LSS: variants seen among roughly 807,000 people sequenced by gnomAD.
LSS encodes the protein 2,3-epoxysqualene-lanosterol cyclase.
A neutral mutation model predicts 110.3 loss-of-function variants in LSS; 90 were observed. The ratio of observed to expected loss-of-function variants is 0.82; its 90% CI spans 0.69 to 0.97. LSS has a LOEUF of 0.97. Ranked by LOEUF, LSS falls within the 50% of genes least tolerant of loss-of-function variation. The pLI is 0.00. For synonymous variants in LSS, 433 were observed against 400.0 expected (o/e 1.08, Z -0.98); for missense variants, 927 against 990.0 (o/e 0.94, Z 0.85).
In LSS at chr21:46,191,033, C is replaced by T. The variant is rs1175997280; in HGVS notation, c.*71G>A. On this transcript the variant is annotated 3_prime_UTR_variant, in exon 22 of 22. Coordinates refer to ENST00000397728, the MANE Select transcript of LSS (RefSeq NM_002340.6). ...AGCCCAAGACAGGGTTATGGGAGGG[C>T]TCCCCAACCCGGCCAGGACCCCTTG... is the stretch of plus-strand genomic sequence containing the variant. 3.8e-6 allele frequency: 6 copies of T among 1,583,414 alleles called. No homozygotes were observed. The Admixed American group carries it at 1.0e-4, about 27-fold the overall frequency.
rs754209177 is a variant in LSS, at chr21:46,213,803, C to A, written c.1044G>T (p.Trp348Cys). Residue 348 changes from tryptophan (W) to cysteine (C), a missense_variant, in exon 10 of 22, where the codon TGG becomes TGT. Physicochemically the swap from Trp to Cys is radical, Grantham distance 215. Transcript: ENST00000397728. ...ISKTINMLVR[W>C]YVDGPASTAF... ...CAGTGGAGGCGGGCCCGTCCACATA[C>A]CAGCGCACAAGCATGTTGATGGTTT... The A allele has an allele frequency of 1.3e-5, 21 of 1,613,930 alleles. No individual in the cohort carries two copies. In the East Asian group the frequency reaches 1.6e-4, roughly 12 times the overall value.
intron 20 of LSS, among the ~76,000 whole-genome samples, chr21:46,194,281 G>A (rs2079874893): frequency 6.6e-6 from 1 of 152,204 alleles, no homozygotes; most frequent in Non-Finnish European, 1.5e-5. Flanking sequence ...GAGCCTCTCT[G>A]CAGGGCCCCA....
Position 46,210,737 on chromosome 21 carries a change from TTGG to T in LSS, c.1142_1144del (p.Thr381del). 6.2e-7 allele frequency: 1 copy of T among 1,614,000 alleles called. No homozygotes were observed. Among genetic ancestry groups the T allele is most frequent in the Non-Finnish European group, 8.5e-7 (1 of 1,179,984 alleles). ...TGCGGTGTCCCAGATCTGTGAGCCGTTGGTGCCCTACACACAAAGGATGGTGTT... is the reference window on the plus strand; with the variant it reads ...TGCGGTGTCCCAGATCTGTGAGCCGTTGCCCTACACACAAAGGATGGTGTT... On this transcript the variant is annotated inframe_deletion, in exon 12 of 22. Coordinates refer to ENST00000397728, the MANE Select transcript of LSS (RefSeq NM_002340.6).
intron 17 of LSS, among the ~76,000 whole-genome samples, chr21:46,198,161 G>A (rs918070529): frequency 1.3e-5 from 2 of 151,924 alleles, no homozygotes; most frequent in Non-Finnish European, 1.5e-5. Context: ...TAGCTGCTCA[G>A]GAGGCTGAGA....
intron 11 of LSS, among the ~76,000 whole-genome samples, chr21:46,211,282 A>G (rs2080128927): frequency 6.6e-6 from 1 of 152,150 alleles, no homozygotes; most frequent in East Asian, 1.9e-4. Flanking sequence ...TCCTGCCAGC[A>G]CACCCAGCTA....
chr21:46,222,169 C>G, intron 4 of LSS, 194 bp from the exon 5 acceptor site: 1 of 607,974 alleles, frequency 1.6e-6, no homozygotes. Context: ...GACAACTGAG[C>G]CCCCCACTCC....
chr21:46,217,973 C>A (rs1221317314), intron 6 of LSS, among the ~76,000 whole-genome samples: 1 of 152,208 alleles, frequency 6.6e-6, no homozygotes, highest in Admixed American at 6.5e-5. Context: ...ATCTCACCAT[C>A]CCTGTGCCTC....
At chr21:46,207,204 G>A (rs1601427520) in intron 15 of LSS, among the ~76,000 whole-genome samples, 1 of 152,236 alleles carries the variant, frequency 6.6e-6, no homozygotes, top group East Asian at 1.9e-4. Context: ...TGGCTGGGCT[G>A]GACACCAGCT....
intron 11 of LSS, 99 bp from the exon 12 acceptor site, chr21:46,210,843 G>A: frequency 8.8e-7 from 1 of 1,139,646 alleles, no homozygotes; most frequent in Non-Finnish European, 1.3e-6. Flanking sequence ...CAGGTGTGGG[G>A]GCTCCCACCC....
At chr21:46,193,609 G>T (rs7280781) in intron 20 of LSS, 1 of 415,564 alleles carries the variant, frequency 2.4e-6, no homozygotes, top group Admixed American at 2.7e-5. Flanking sequence ...CTGTGCATGC[G>T]TATGTGTGTG....
At chr21:46,217,329 G>A (rs1415117863) in intron 6 of LSS, among the ~76,000 whole-genome samples, 1 of 151,708 alleles carries the variant, frequency 6.6e-6, no homozygotes, top group East Asian at 1.9e-4. Context: ...TTTGATCACT[G>A]GTCTGCTGAC....
In LSS at chr21:46,209,078, A is replaced by G. The variant is rs1041415649; in HGVS notation, c.1266+476T>C. 1.3e-5 allele frequency among the ~76,000 whole-genome samples: 2 copies of G among 152,140 alleles called. No individual in the cohort carries two copies. The highest frequency in any genetic ancestry group is 2.9e-5 in the Non-Finnish European group (2 of 68,010). On this transcript the variant is annotated intron_variant, in intron 13 of 21. Transcript: ENST00000397728. This position sits in a 1 kb window ranked among gnomAD's most constrained non-coding sequence, Gnocchi z 4.4. The stretch of plus-strand genomic sequence containing the variant: ...TGGGGTGCAGGCACGTGTGAGAGAC[A>G]CTGAGGTCAAACTATGGGCTCGGGC...
chr21:46,217,170 C>G (rs1165463907), intron 6 of LSS, among the ~76,000 whole-genome samples: 1 of 148,732 alleles, frequency 6.7e-6, no homozygotes, highest in Non-Finnish European at 1.5e-5. Context: ...TCGCTTGAAC[C>G]TGGGAGGAGG....
intron 12 of LSS, among the ~76,000 whole-genome samples, chr21:46,210,081 T>TC (rs1192112006): frequency 6.7e-6 from 1 of 149,854 alleles, no homozygotes; most frequent in Non-Finnish European, 1.5e-5. Context: ...TTTTTTTTTT[T>TC]TTTGAGACGG....
Position 46,194,654 on chromosome 21 carries a change from A to G in LSS, c.1825T>C (p.Cys609Arg), listed in dbSNP as rs1414421906. Residue 609 changes from cysteine to arginine, a missense_variant, in exon 20 of 22, where the codon TGT (cysteine) becomes CGT (arginine). Coordinates refer to ENST00000397728, the MANE Select transcript of LSS (RefSeq NM_002340.6). ...TCACAGGCCCGGGAGACCTCTGCAC[A>G]GGCAGTCCTGCAAAGACCAGAGACA... ...MGQTYRDGTA[C>R]AEVSRACDFL... 6.2e-7 allele frequency: 1 copy of G among 1,612,296 alleles called. No individual in the cohort carries two copies. The highest frequency in any genetic ancestry group is 1.7e-5 in the Admixed American group (1 of 59,976).
At chr21:46,213,919 GC>G in intron 9 of LSS, 84 bp from the exon 10 acceptor site, 1 of 942,172 alleles carries the variant, frequency 1.1e-6, no homozygotes. Flanking sequence ...ATCCACAGCA[GC>G]CCCCAGGCAT....
intron 2 of LSS, 43 bp from the exon 3 acceptor site, chr21:46,227,733 A>C (rs767769641): frequency 6.2e-7 from 1 of 1,607,922 alleles, no homozygotes; most frequent in South Asian, 1.1e-5. Flanking sequence ...AGCTGACGGG[A>C]CTGTTGCCCG....
rs747797539 is a variant in LSS, at chr21:46,191,967, A to T, written c.1989-8T>A. 1 of 1,609,606 alleles carries T rather than the reference A, an allele frequency of 6.2e-7. No individual in the cohort carries two copies. The highest frequency in any genetic ancestry group is 2.2e-5 in the East Asian group (1 of 44,872). ...GCCTCGATGTCAGGATGCCTGGTGG[A>T]AGAGAAGGCTGAAACACACCCAGCA... is the stretch of plus-strand genomic sequence containing the variant. On this transcript the variant is annotated splice_polypyrimidine_tract_variant and splice_region_variant and intron_variant, in intron 20 of 21. Coordinates refer to ENST00000397728, the MANE Select transcript of LSS (RefSeq NM_002340.6).
rs1393657406 is a variant in LSS, at chr21:46,227,624, A to C, written c.247T>G (p.Phe83Val). Residue 83 changes from phenylalanine to valine, a missense_variant, in exon 3 of 22, where the codon TTT becomes GTT. Coordinates refer to ENST00000397728, the MANE Select transcript of LSS (RefSeq NM_002340.6). ...AFEGALNGMT[F>V]YVGLQAEDGH... ...TCCTCAGCCTGCAGCCCCACGTAAA[A>C]TGTCATCCCGTTCAGAGCCCCCTCA... The C allele has an allele frequency of 1.2e-5, 19 of 1,613,706 alleles. No homozygotes were observed. Among genetic ancestry groups the C allele is most frequent in the Non-Finnish European group, 1.6e-5 (19 of 1,179,994 alleles).
Sources: allele counts gnomAD v4.1 joint callset (sites outside exome capture counted in the v4.1 genomes callset), GRCh38; gene constraint gnomAD v4.1.1; non-coding constraint Gnocchi (gnomAD v3.1); transcripts MANE v1.5; gene names NCBI Gene and HGNC (gene_info 2026-07-23, HGNC 2026-07-21).